ITGA11: variants seen among roughly 807,000 people sequenced by gnomAD.
ITGA11 encodes the protein integrin subunit alpha 11.
A neutral mutation model predicts 141.9 loss-of-function variants in ITGA11; 97 were observed. The observed-to-expected ratio is 0.68, with a 90% CI of 0.58 to 0.81. The LOEUF is 0.81. ITGA11 is among the 30% of genes least tolerant of loss of function. The pLI is 0.00. For synonymous variants in ITGA11, 658 were observed against 624.6 expected (o/e 1.05, Z -0.80); for missense variants, 1,387 against 1,559.2 (o/e 0.89, Z 1.86).
chr15:68,348,474 G>A (rs964749664), intron 10 of ITGA11, among the ~76,000 whole-genome samples: 3 of 152,200 alleles, frequency 2.0e-5, no homozygotes, highest in Admixed American at 6.5e-5. Flanking sequence ...CACACCCCGC[G>A]CCTCACAGGT....
rs148755128 is a variant in ITGA11 at position 68,303,206 on chromosome 15, C to G, written c.3496-76G>C. ...CCTGCCCCAGCTTTCCCTCCACTAC[C>G]TTTCCTTGGGATTCCTCCCTCAGGG... On this transcript the variant is annotated intron_variant, in intron 29 of 29. Transcript: ENST00000315757. This position sits in a 1 kb window ranked among gnomAD's most constrained non-coding sequence, Gnocchi z 5.3. 5.9e-4 allele frequency: 764 copies of G among 1,296,434 alleles called. 11 individuals are homozygous for G. In the East Asian group the frequency reaches 0.018, roughly 30 times the overall value. The allele number at this position is 1,296,434 out of a possible 1,614,324, so 80.3% of individuals were successfully genotyped here.
At chr15:68,350,515 T>C in intron 9 of ITGA11, 102 bp downstream of exon 9, 1 of 1,156,712 alleles carries the variant, frequency 8.6e-7, no homozygotes, top group East Asian at 2.5e-5. Context: ...CGGAAGACTC[T>C]TGTTAAGCCA....
At chr15:68,364,935 A>G in intron 3 of ITGA11, 137 bp from the exon 4 acceptor site, 1 of 922,680 alleles carries the variant, frequency 1.1e-6, no homozygotes, top group Non-Finnish European at 1.7e-6. Context: ...AGGGTTTACA[A>G]AGGCCTTCCC....
chr15:68,390,638 G>T (rs540960245), intron 2 of ITGA11, among the ~76,000 whole-genome samples: 1 of 152,332 alleles, frequency 6.6e-6, no homozygotes, highest in African/African-American at 2.4e-5. Flanking sequence ...ACAGAGGCAG[G>T]AAGAGCCTGG....
Position 68,325,290 on chromosome 15 carries a change from TTA to T in ITGA11, c.2212-51_2212-50del. 2.3e-6 allele frequency: 3 copies of T among 1,283,054 alleles called. No homozygotes were observed. Among genetic ancestry groups the T allele is most frequent in the Non-Finnish European group, 3.4e-6 (3 of 878,988 alleles). 79.5% of individuals were successfully genotyped at this position (1,283,054 alleles called of 1,614,324 possible). A position where few individuals can be genotyped will look rare whatever the true frequency, so the allele number is the denominator to read the frequency against. ...CGGTGAGGGAGGAGAGAACGTCATT[TTA>T]TGAGCCAGGACCGTGGATGCTGAGA... On this transcript the variant is annotated intron_variant, in intron 17 of 29. Coordinates refer to ENST00000315757, the MANE Select transcript of ITGA11 (RefSeq NM_001004439.2). The surrounding 1 kb of genome is among the most constrained non-coding windows in gnomAD (Gnocchi z 5.5).
At position 68,320,459 on chromosome 15, in the gene ITGA11, C is replaced by CAGGGTTGGGGCAAAAAGGT. The variant is rs1310402457; in HGVS notation, c.2409-86_2409-68dup. On this transcript the variant is annotated intron_variant, in intron 19 of 29. Coordinates refer to ENST00000315757, the MANE Select transcript of ITGA11 (RefSeq NM_001004439.2). ...GGAAAGCAGGGGTAGAGAGGAGCCC[C>CAGGGTTGGGGCAAAAAGGT]AGGGTTGGGGCAAAAAGGTGGGTCT... 3.0e-5 allele frequency: 43 copies of CAGGGTTGGGGCAAAAAGGT among 1,422,406 alleles called. No homozygotes were observed. The African/African-American group carries it at 5.5e-4, about 18-fold the overall frequency. The allele number at this position is 1,422,406 out of a possible 1,614,324, so 88.1% of individuals were successfully genotyped here.
At chr15:68,407,691 CAA>C (rs1896681084) in intron 1 of ITGA11, among the ~76,000 whole-genome samples, 1 of 152,090 alleles carries the variant, frequency 6.6e-6, no homozygotes, top group Admixed American at 6.5e-5. Flanking sequence ...GGGCCGTGGC[CAA>C]AGTTACGTCA....
Position 68,331,070 on chromosome 15 carries a change from A to G in ITGA11, c.1812T>C (p.Phe604=). The change falls in exon 15 of 30, where the codon TTT becomes TTC. Residue 604 remains phenylalanine, a synonymous_variant. Transcript: ENST00000315757. ...ASELATGLQY[F]GCSIHGQLDL... is the part of the protein sequence containing the mutation. ...CCAATTGCCCGTGGATGCTGCAGCC[A>G]AAATACTGGAGGCCGGTAGCCAGCT... is the stretch of plus-strand genomic sequence containing the variant. 6.2e-7 allele frequency: 1 copy of G among 1,609,462 alleles called. No homozygotes were observed. The highest frequency in any genetic ancestry group is 8.5e-7 in the Non-Finnish European group (1 of 1,177,908).
At position 68,307,202 on chromosome 15, in the gene ITGA11, G is replaced by T; in HGVS notation, c.3381+146C>A. 1 of 624,544 alleles carries T rather than the reference G, an allele frequency of 1.6e-6. No homozygotes were observed. The highest frequency in any genetic ancestry group is 2.8e-6 in the Non-Finnish European group (1 of 358,084). The allele number at this position is 624,544 out of a possible 1,614,324, so 38.7% of individuals were successfully genotyped here. ...GCTTTTTTCCCTCTTTTCAGCGGCTGCCCTAACAGCCCACAGGTCTGCCTG... is the reference window on the plus strand; with the variant it reads ...GCTTTTTTCCCTCTTTTCAGCGGCTTCCCTAACAGCCCACAGGTCTGCCTG... On this transcript the variant is annotated intron_variant, in intron 28 of 29. Coordinates refer to ENST00000315757, the MANE Select transcript of ITGA11 (RefSeq NM_001004439.2). This position sits in a 1 kb window ranked among gnomAD's most constrained non-coding sequence, Gnocchi z 6.1.
At chr15:68,334,873 G>A (rs962079330) in intron 12 of ITGA11, among the ~76,000 whole-genome samples, 1 of 152,206 alleles carries the variant, frequency 6.6e-6, no homozygotes, top group South Asian at 2.1e-4. Flanking sequence ...GTGTGGGCAG[G>A]CAGGGTGGAG....
intron 2 of ITGA11, among the ~76,000 whole-genome samples, chr15:68,377,675 T>C (rs569762888): frequency 6.6e-6 from 1 of 152,374 alleles, no homozygotes; most frequent in South Asian, 2.1e-4. Flanking sequence ...ACATCCAGAA[T>C]TTAAAAACTG....
intron 3 of ITGA11, among the ~76,000 whole-genome samples, chr15:68,368,130 A>T (rs1396733141): frequency 1.3e-5 from 2 of 152,110 alleles, no homozygotes; most frequent in Non-Finnish European, 2.9e-5. Context: ...TTCATCCATC[A>T]GCTTATCTCT....
At chr15:68,401,977 A>C (rs1896523540) in intron 2 of ITGA11, among the ~76,000 whole-genome samples, 1 of 148,998 alleles carries the variant, frequency 6.7e-6, no homozygotes, top group African/African-American at 2.5e-5. Context: ...TGTTTGAAGA[A>C]GATCTGGGGA....
At chr15:68,382,660 CTCT>C (rs1205444863) in intron 2 of ITGA11, among the ~76,000 whole-genome samples, 1 of 152,240 alleles carries the variant, frequency 6.6e-6, no homozygotes, top group Non-Finnish European at 1.5e-5. Context: ...CCTCTCTTCT[CTCT>C]TGTTGGCATT....
At chr15:68,410,365 A>C (rs1216101004) in intron 1 of ITGA11, among the ~76,000 whole-genome samples, 2 of 152,098 alleles carry the variant, frequency 1.3e-5, no homozygotes, top group African/African-American at 4.8e-5. Context: ...GGTGGGGTTT[A>C]TCACTAAGAA....
Position 68,328,698 on chromosome 15 carries a change from G to C in ITGA11, c.1902-436C>G, listed in dbSNP as rs1462245280. ...TCAGACCTTAGCAGGTTTTAAAGCA[G>C]TGCCTCTGAAATTTTCATATGTGTG... On this transcript the variant is annotated intron_variant, in intron 15 of 29. Coordinates refer to ENST00000315757, the MANE Select transcript of ITGA11 (RefSeq NM_001004439.2). This position sits in a 1 kb window ranked among gnomAD's most constrained non-coding sequence, Gnocchi z 4.8. Among the ~76,000 whole-genome samples the C allele has an allele frequency of 6.6e-6, 1 of 152,222 alleles. No homozygotes were observed. The highest frequency in any genetic ancestry group is 1.9e-4 in the East Asian group (1 of 5,196).
At chr15:68,336,089 G>C in intron 11 of ITGA11, 1 of 567,250 alleles carries the variant, frequency 1.8e-6, no homozygotes, top group Non-Finnish European at 3.1e-6. Context: ...GCCCCTGCTG[G>C]AGAAAATAAA....
intron 2 of ITGA11, among the ~76,000 whole-genome samples, chr15:68,383,663 G>A (rs1895915466): frequency 6.6e-6 from 1 of 152,210 alleles, no homozygotes; most frequent in South Asian, 2.1e-4. Flanking sequence ...GTGCCAAGGA[G>A]CAATTAAAAA....
chr15:68,378,816 G>A (rs1895790310), intron 2 of ITGA11, among the ~76,000 whole-genome samples: 1 of 152,170 alleles, frequency 6.6e-6, no homozygotes, highest in Non-Finnish European at 1.5e-5. Context: ...GCACACACCT[G>A]TTGACAAGTA....
Sources: gnomAD v4.1 joint callset for allele counts (sites outside exome capture counted in the v4.1 genomes callset) on GRCh38, gnomAD v4.1.1 for gene constraint, Gnocchi (gnomAD v3.1) non-coding constraint, MANE v1.5 for transcripts, NCBI Gene and HGNC (gene_info 2026-07-23, HGNC 2026-07-21) for gene names.